Variants in OXR1 observed in about 807,000 individuals in gnomAD.
OXR1 encodes oxidation resistance protein 1.
In OXR1, 41 loss-of-function variants were observed where a neutral mutation model predicts 104.6. That is an observed-to-expected ratio of 0.39 (90% confidence interval 0.31 to 0.51). The LOEUF (loss-of-function observed/expected upper bound fraction) is 0.51. Ranked by LOEUF, OXR1 falls within the 20% of genes least tolerant of loss-of-function variation. OXR1 has a pLI of 0.77. For synonymous variants in OXR1, 348 were observed against 348.4 expected, an observed-to-expected ratio of 1.00 and a Z score of 0.01; for missense variants, 955 against 1,031.9, an observed-to-expected ratio of 0.93 and a Z score of 1.02.
chr8:106,621,021 A>G (rs533967059), intron 3 of OXR1, among the ~76,000 whole-genome samples: 39 of 152,352 alleles, frequency 2.6e-4, no homozygotes, highest in African/African-American at 7.5e-4. Context: ...ATTGGAAATG[A>G]TGATACGACC....
intron 2 of OXR1, among the ~76,000 whole-genome samples, chr8:106,497,124 G>T (rs930746988): frequency 3.3e-5 from 5 of 152,214 alleles, no homozygotes; most frequent in African/African-American, 7.2e-5. Flanking sequence ...TCAACACGGG[G>T]AGAAAAGTTC....
intron 9 of OXR1, among the ~76,000 whole-genome samples, chr8:106,707,912 C>T (rs1231006388): frequency 6.6e-6 from 1 of 152,002 alleles, no homozygotes; most frequent in African/African-American, 2.4e-5. Flanking sequence ...TGCTGTAATA[C>T]ATAAAATAAA....
intron 2 of OXR1, among the ~76,000 whole-genome samples, chr8:106,433,666 A>G (rs552133897): frequency 2.0e-5 from 3 of 152,252 alleles, no homozygotes; most frequent in African/African-American, 7.2e-5. Flanking sequence ...TCACTGTTAT[A>G]ATGTTCTCCG....
intron 3 of OXR1, among the ~76,000 whole-genome samples, chr8:106,589,910 G>A (rs796100075): frequency 3.9e-5 from 6 of 152,042 alleles, no homozygotes; most frequent in African/African-American, 1.4e-4. Flanking sequence ...CAGGTGACCC[G>A]CCCACCTCAG....
chr8:106,377,701 G>A (rs1482620155), intron 2 of OXR1, among the ~76,000 whole-genome samples: 2 of 152,042 alleles, frequency 1.3e-5, no homozygotes, highest in Non-Finnish European at 2.9e-5. Flanking sequence ...TTTAAGCAGC[G>A]AATGCTATTT....
At chr8:106,494,627 T>G (rs1236341645) in intron 2 of OXR1, among the ~76,000 whole-genome samples, 1 of 152,208 alleles carries the variant, frequency 6.6e-6, no homozygotes, top group Non-Finnish European at 1.5e-5. Flanking sequence ...ACCTACTATG[T>G]GCAACTATAT....
At chr8:106,638,821 A>T (rs1823374183) in intron 3 of OXR1, among the ~76,000 whole-genome samples, 1 of 148,838 alleles carries the variant, frequency 6.7e-6, no homozygotes, top group South Asian at 2.2e-4. Context: ...TGAACCTGGG[A>T]GGTTGAGGTT....
At chr8:106,628,293 G>C (rs1028165220) in intron 3 of OXR1, among the ~76,000 whole-genome samples, 3 of 152,100 alleles carry the variant, frequency 2.0e-5, no homozygotes, top group Non-Finnish European at 2.9e-5. Context: ...AGCATTTATT[G>C]ACCCTTTATC....
chr8:106,438,606 A>G (rs764427234), intron 2 of OXR1, among the ~76,000 whole-genome samples: 1 of 152,104 alleles, frequency 6.6e-6, no homozygotes, highest in Non-Finnish European at 1.5e-5. Context: ...AACTGCTCTG[A>G]TATTCATTTT....
intron 14 of OXR1, among the ~76,000 whole-genome samples, chr8:106,740,994 C>T (rs1224109508): frequency 2.0e-5 from 3 of 152,016 alleles, no homozygotes; most frequent in Non-Finnish European, 4.4e-5. Flanking sequence ...AATATTAGAA[C>T]AAAACACTGG....
intron 1 of OXR1, among the ~76,000 whole-genome samples, chr8:106,328,044 T>C (rs1179199447): frequency 1.3e-5 from 2 of 152,184 alleles, no homozygotes; most frequent in African/African-American, 4.8e-5. Flanking sequence ...ATGATATCAC[T>C]AGGATGCTGA....
chr8:106,666,891 C>A (rs757579308), intron 3 of OXR1, among the ~76,000 whole-genome samples: 26 of 152,122 alleles, frequency 1.7e-4, no homozygotes, highest in Non-Finnish European at 2.8e-4. Flanking sequence ...GTTCAGCAGC[C>A]TGACTAAAAT....
chr8:106,708,006 G>A lies in OXR1; in HGVS notation c.1624+861G>A, dbSNP rs372789727. ...GCATTTTTATATCTACAATGCAGTG[G>A]CATTAGTACATTCACATTGTTATGC... is the stretch of plus-strand genomic sequence containing the variant. On this transcript the variant is annotated intron_variant, in intron 9 of 16. Transcript: ENST00000517566. 2.6e-5 allele frequency among the ~76,000 whole-genome samples: 4 copies of A among 152,020 alleles called. No individual in the cohort carries two copies. In the East Asian group the frequency reaches 5.8e-4, roughly 22 times the overall value.
At chr8:106,605,908 C>T (rs1263279266) in intron 3 of OXR1, among the ~76,000 whole-genome samples, 2 of 57,218 alleles carry the variant, frequency 3.5e-5, no homozygotes, top group Admixed American at 3.0e-4. Flanking sequence ...CTCTAAGTCT[C>T]TATTTTTATT....
At chr8:106,508,239 T>C (rs1348880916) in intron 2 of OXR1, among the ~76,000 whole-genome samples, 1 of 152,234 alleles carries the variant, frequency 6.6e-6, no homozygotes, top group Non-Finnish European at 1.5e-5. Context: ...AGGATCATGT[T>C]CTCTTCTGTA....
intron 1 of OXR1, among the ~76,000 whole-genome samples, chr8:106,306,007 G>T (rs1435135303): frequency 1.3e-5 from 2 of 151,064 alleles, no homozygotes; most frequent in Non-Finnish European, 3.0e-5. Context: ...TTATTTTTAG[G>T]TTACCCTTCT....
At chr8:106,571,018 C>T (rs562666377) in intron 3 of OXR1, among the ~76,000 whole-genome samples, 26 of 151,830 alleles carry the variant, frequency 1.7e-4, no homozygotes, top group Non-Finnish European at 2.8e-4. Context: ...GCCAGCTACC[C>T]TTGAAGCACA....
At chr8:106,421,753 A>G (rs987507777) in intron 2 of OXR1, among the ~76,000 whole-genome samples, 1 of 152,248 alleles carries the variant, frequency 6.6e-6, no homozygotes, top group African/African-American at 2.4e-5. Context: ...GCTTCTATCC[A>G]TTGGCCAAAG....
chr8:106,518,767 C>T (rs938182877), intron 2 of OXR1, among the ~76,000 whole-genome samples, 176 bp from the exon 3 acceptor site: 1 of 152,022 alleles, frequency 6.6e-6, no homozygotes, highest in Non-Finnish European at 1.5e-5. Context: ...CTTCTAGTTT[C>T]AAAAATATTT....
Sources: gnomAD v4.1 joint callset for allele counts (sites outside exome capture counted in the v4.1 genomes callset) on GRCh38, gnomAD v4.1.1 for gene constraint, MANE v1.5 for transcripts, NCBI Gene and HGNC (gene_info 2026-07-23, HGNC 2026-07-21) for gene names.